Variants in PCDHA4 observed in about 807,000 individuals in gnomAD.
PCDHA4 encodes protocadherin alpha-4.
In PCDHA4, 49 loss-of-function variants were observed where a neutral mutation model predicts 61.4. The observed-to-expected ratio is 0.80, with a 90% CI of 0.63 to 1.01. The LOEUF is 1.01. Ranked by LOEUF, PCDHA4 falls within the 50% of genes least tolerant of loss-of-function variation. PCDHA4 has a pLI of 0.00. For missense variants in PCDHA4, 1,254 were observed against 1,235.8 expected (o/e 1.01, Z -0.22); for synonymous variants, 590 against 550.3 (o/e 1.07, Z -1.01).
chr5:140,927,418 C>T (rs1296760547), intron 1 of PCDHA4: 3 of 1,614,106 alleles, frequency 1.9e-6, no homozygotes, highest in Admixed American at 1.7e-5. Flanking sequence ...CATGGGATCG[C>T]GGGTTGACGG....
At chr5:140,885,462 G>T (rs890056404) in intron 1 of PCDHA4, among the ~76,000 whole-genome samples, 3 of 152,070 alleles carry the variant, frequency 2.0e-5, no homozygotes, top group African/African-American at 7.2e-5. Context: ...ACCTAATGAT[G>T]GGCAATCACT....
At chr5:140,880,068 A>G (rs2058226577) in intron 1 of PCDHA4, among the ~76,000 whole-genome samples, 1 of 152,252 alleles carries the variant, frequency 6.6e-6, no homozygotes, top group South Asian at 2.1e-4. Flanking sequence ...TTTGGGGACC[A>G]CAATTCAACC....
intron 1 of PCDHA4, chr5:140,835,779 G>A (rs1195624528): frequency 1.2e-6 from 2 of 1,613,242 alleles, no homozygotes; most frequent in African/African-American, 1.3e-5. Context: ...GTTCGTGAAG[G>A]AGAACAACCC....
chr5:140,857,434 C>T (rs987628518), intron 1 of PCDHA4: 2 of 1,598,440 alleles, frequency 1.3e-6, no homozygotes, highest in Non-Finnish European at 1.7e-6. Context: ...ACACGGTGTT[C>T]GTGAAGGAGA....
At chr5:140,968,591 G>A (rs1289458266) in intron 1 of PCDHA4, 3 of 1,614,098 alleles carry the variant, frequency 1.9e-6, no homozygotes, top group Non-Finnish European at 2.5e-6. Flanking sequence ...CAAAGTCATA[G>A]CTATGGACTC....
chr5:140,918,748 C>T (rs1303112000), intron 1 of PCDHA4, among the ~76,000 whole-genome samples: 1 of 152,110 alleles, frequency 6.6e-6, no homozygotes, highest in Non-Finnish European at 1.5e-5. Flanking sequence ...ATAAAAGAGG[C>T]CCAGAGAGGT....
rs782334415 is a variant in PCDHA4 at position 141,009,744 on chromosome 5, A to T, written c.2651A>T (p.Lys884Ile). 8.1e-6 allele frequency: 13 copies of T among 1,614,028 alleles called. No homozygotes were observed. Among genetic ancestry groups the T allele is most frequent in the Non-Finnish European group, 1.1e-5 (13 of 1,180,034 alleles). The change falls in exon 4 of 4, where the codon AAA becomes ATA. Residue 884 changes from lysine (K) to isoleucine (I), a missense_variant. Transcript: ENST00000530339. Reference protein sequence around the residue: ...KQSGPGELPDKFIIPGSPAII... With the variant: ...KQSGPGELPDIFIIPGSPAII... ...TCCGGTCCCGGTGAGTTGCCCGACA[A>T]ATTCATTATCCCAGGATCTCCTGCA...
rs139245496 is a variant in PCDHA4, at chr5:140,822,899, A to T, written c.2385+13327A>T. ...GTCATTGCTCTGATCAGCGTGTCTGACCGTGACTCAGGTGCCAACGGGCAG... is the reference window on the plus strand; with the variant it reads ...GTCATTGCTCTGATCAGCGTGTCTGTCCGTGACTCAGGTGCCAACGGGCAG... On this transcript the variant is annotated intron_variant, in intron 1 of 3. Transcript: ENST00000530339. The T allele has an allele frequency of 4.7e-4, 756 of 1,614,196 alleles. 1 individual carries two copies. Among genetic ancestry groups the T allele is most frequent in the Admixed American group, 7.3e-4 (44 of 60,034 alleles).
chr5:140,942,540 G>C lies in PCDHA4; in HGVS notation c.2386-36409G>C, dbSNP rs1013086382. Among the ~76,000 whole-genome samples the C allele has an allele frequency of 8.5e-5, 13 of 152,164 alleles. No homozygotes were observed. In the South Asian group the frequency reaches 1.5e-3, roughly 17 times the overall value. ...GGGGAAGCAACTAACTCAGTATGGT[G>C]GGGGGTAGGGGGTTGAGGCAGAAAA... On this transcript the variant is annotated intron_variant, in intron 1 of 3. Transcript: ENST00000530339.
intron 1 of PCDHA4, among the ~76,000 whole-genome samples, chr5:140,837,545 T>C (rs1775114799): frequency 6.6e-6 from 1 of 151,994 alleles, no homozygotes; most frequent in Non-Finnish European, 1.5e-5. Context: ...AGATTATTAT[T>C]GCCAAATTAT....
intron 1 of PCDHA4, among the ~76,000 whole-genome samples, chr5:140,953,432 C>T (rs1292809968): frequency 6.6e-6 from 1 of 152,108 alleles, no homozygotes; most frequent in Non-Finnish European, 1.5e-5. Context: ...TGTCCTTAAG[C>T]TGGAGAAACT....
intron 1 of PCDHA4, among the ~76,000 whole-genome samples, chr5:140,914,941 T>C (rs1554196635): frequency 6.9e-6 from 1 of 145,614 alleles, no homozygotes; most frequent in Non-Finnish European, 1.5e-5. Flanking sequence ...TGTGAAAAGT[T>C]GTCTTTTTTT....
intron 1 of PCDHA4, among the ~76,000 whole-genome samples, chr5:140,954,160 A>G (rs1231258623): frequency 6.6e-6 from 1 of 152,188 alleles, no homozygotes; most frequent in Non-Finnish European, 1.5e-5. Flanking sequence ...TATATGTACC[A>G]CATTTTCTTT....
At chr5:140,940,101 G>A (rs754155361) in intron 1 of PCDHA4, among the ~76,000 whole-genome samples, 23 of 152,148 alleles carry the variant, frequency 1.5e-4, no homozygotes, top group Non-Finnish European at 3.2e-4. Flanking sequence ...AACTTTTAGC[G>A]TTATGTATTA....
chr5:140,823,807 T>A (rs1767879347), intron 1 of PCDHA4: 2 of 1,613,664 alleles, frequency 1.2e-6, no homozygotes, highest in Non-Finnish European at 1.7e-6. Flanking sequence ...GCCGAAGGCC[T>A]CATCGCGGGC....
chr5:140,849,848 C>A (rs2150453425), intron 1 of PCDHA4: 1 of 1,598,546 alleles, frequency 6.3e-7, no homozygotes, highest in African/African-American at 1.3e-5. Context: ...TGAACGACAA[C>A]GCACCAGCGT....
At chr5:140,935,382 T>G (rs1475831801) in intron 1 of PCDHA4, among the ~76,000 whole-genome samples, 1 of 152,218 alleles carries the variant, frequency 6.6e-6, no homozygotes, top group Non-Finnish European at 1.5e-5. Flanking sequence ...AATTACTCAT[T>G]TGTTATCCCA....
intron 1 of PCDHA4, chr5:140,968,948 A>G (rs1554231262): frequency 2.5e-6 from 4 of 1,614,064 alleles, no homozygotes; most frequent in East Asian, 4.5e-5. Flanking sequence ...CATTTTGAGC[A>G]TCATCAAGTG....
At chr5:140,949,691 T>C (rs2094413493) in intron 1 of PCDHA4, among the ~76,000 whole-genome samples, 1 of 151,872 alleles carries the variant, frequency 6.6e-6, no homozygotes, top group Non-Finnish European at 1.5e-5. Context: ...AAGCGTATTG[T>C]TGGATCTTGC....
Sources: allele counts gnomAD v4.1 joint callset (sites outside exome capture counted in the v4.1 genomes callset), GRCh38; gene constraint gnomAD v4.1.1; transcripts MANE v1.5; gene names NCBI Gene and HGNC (gene_info 2026-07-23, HGNC 2026-07-21).